The following PIEZO2 variants were observed in gnomAD, a reference collection of about 807,000 sequenced individuals.
PIEZO2 encodes piezo type mechanosensitive ion channel component 2.
Under a neutral mutation model 337.3 loss-of-function variants are expected in PIEZO2, and 172 were observed. The observed-to-expected ratio is 0.51, with a 90% confidence interval of 0.45 to 0.58. The LOEUF is 0.58. PIEZO2 is among the 20% of genes least tolerant of loss of function. The pLI, the probability that PIEZO2 is intolerant of heterozygous loss-of-function variation, is 0.00. For synonymous variants in PIEZO2, 1,251 were observed against 1,228.5 expected, an observed-to-expected ratio of 1.02 and a Z score of -0.38; for missense variants, 3,028 against 3,391.3, an observed-to-expected ratio of 0.89 and a Z score of 2.66.
chr18:10,709,916 G>T (rs2012666), intron 39 of PIEZO2, among the ~76,000 whole-genome samples: 43,960 of 152,138 alleles, frequency 0.29, 6,506 homozygotes, highest in East Asian at 0.4. Context: ...TGTCACCATG[G>T]CCTGGACAAA....
chr18:10,967,495 T>C (rs756311007), intron 3 of PIEZO2, among the ~76,000 whole-genome samples: 5 of 152,222 alleles, frequency 3.3e-5, no homozygotes, highest in Admixed American at 6.5e-5. Flanking sequence ...CCAATGGTAG[T>C]CCTACTTTTA....
intron 8 of PIEZO2, among the ~76,000 whole-genome samples, chr18:10,806,477 G>A (rs1022888338): frequency 5.9e-5 from 9 of 151,996 alleles, no homozygotes; most frequent in African/African-American, 2.2e-4. Context: ...TTTTCATAGG[G>A]AATAAACACC....
In PIEZO2 at chr18:10,795,351, A is replaced by ATT. The variant is rs1555648418; in HGVS notation, c.1528-351_1528-350dup. Among the ~76,000 whole-genome samples the ATT allele has an allele frequency of 0.03, 592 of 20,044 alleles. 6 individuals are homozygous for ATT. Among genetic ancestry groups the ATT allele is most frequent in the African/African-American group, 0.083 (556 of 6,694 alleles). 13.1% of individuals were successfully genotyped at this position (20,044 alleles called of 152,430 possible). A position where few individuals can be genotyped will look rare whatever the true frequency, so the allele number is the denominator to read the frequency against. On this transcript the variant is annotated intron_variant, in intron 12 of 55. Transcript: ENST00000674853. The surrounding 1 kb of genome is among the most constrained non-coding windows in gnomAD (Gnocchi z 4.4). Reference sequence around the variant, plus strand: ...ATTTTATTTTATTTTATTTTATTTTATTATTTTATTTTATTTTATTTTATT... The same window carrying ATT: ...ATTTTATTTTATTTTATTTTATTTTATTTTATTTTATTTTATTTTATTTTATT...
intron 4 of PIEZO2, among the ~76,000 whole-genome samples, chr18:10,876,309 AAC>A (rs1039003203): frequency 6.6e-6 from 1 of 152,248 alleles, no homozygotes; most frequent in African/African-American, 2.4e-5. Flanking sequence ...TCTGTAGTAA[AAC>A]AGTTACATTT....
rs1235789616 is a variant in PIEZO2, at chr18:10,718,217, T to A, written c.5072A>T (p.Lys1691Met). ...TTTGTTACCTGGTCCATCGGATTTCTTTTTGATTGGTTCATCCTCCCGGTC... is the reference window on the plus strand; with the variant it reads ...TTTGTTACCTGGTCCATCGGATTTCATTTTGATTGGTTCATCCTCCCGGTC... ...WEDREDEPIK[K>M]KSDGPDNIIK... The change falls in exon 37 of 56, where the codon AAG becomes ATG. Residue 1691 changes from lysine to methionine, a missense_variant. Lys to Met is a moderately conservative substitution (Grantham distance 95). Coordinates refer to ENST00000674853, the MANE Select transcript of PIEZO2 (RefSeq NM_001378183.1). The A allele has an allele frequency of 1.3e-6, 2 of 1,536,928 alleles. No homozygotes were observed. The highest frequency in any genetic ancestry group is 2.7e-5 in the African/African-American group (2 of 73,054).
intron 2 of PIEZO2, among the ~76,000 whole-genome samples, chr18:11,054,937 C>T (rs2037663261): frequency 6.6e-6 from 1 of 152,078 alleles, no homozygotes; most frequent in South Asian, 2.1e-4. Flanking sequence ...GGCAGCCAGG[C>T]ACGGTGGCTC....
Position 10,724,700 on chromosome 18 carries a change from T to C in PIEZO2, c.5030-6441A>G. 1 of 1,259,126 alleles carries C rather than the reference T, an allele frequency of 7.9e-7. No homozygotes were observed. The highest frequency in any genetic ancestry group is 1.1e-6 in the Non-Finnish European group (1 of 896,958). The allele number at this position is 1,259,126 out of a possible 1,614,324, so 78.0% of individuals were successfully genotyped here. ...AGTCTGCTGTCCCTGCGTCATAGGC[T>C]GAAGCACTCAGACCGAGATGGGCCA... On this transcript the variant is annotated intron_variant, in intron 36 of 55. Coordinates refer to ENST00000674853, the MANE Select transcript of PIEZO2 (RefSeq NM_001378183.1). This position sits in a 1 kb window ranked among gnomAD's most constrained non-coding sequence, Gnocchi z 5.8.
intron 11 of PIEZO2, among the ~76,000 whole-genome samples, chr18:10,799,124 G>A (rs1415953296): frequency 6.6e-6 from 1 of 152,206 alleles, no homozygotes; most frequent in Non-Finnish European, 1.5e-5. Context: ...GAACAGACAT[G>A]AGAATAAACC....
chr18:10,835,827 T>A (rs1012754011), intron 7 of PIEZO2, among the ~76,000 whole-genome samples: 2 of 152,280 alleles, frequency 1.3e-5, no homozygotes, highest in Non-Finnish European at 2.9e-5. Flanking sequence ...GCGTCCAGCC[T>A]GAGTTCTTAC....
chr18:10,710,247 T>C (rs376773242), intron 39 of PIEZO2, among the ~76,000 whole-genome samples: 1 of 152,196 alleles, frequency 6.6e-6, no homozygotes, highest in South Asian at 2.1e-4. Flanking sequence ...TCCCACACAG[T>C]TGGGTTCCCG....
intron 4 of PIEZO2, among the ~76,000 whole-genome samples, chr18:10,905,081 C>T (rs7241188): frequency 0.61 from 93,393 of 152,044 alleles, 28,770 homozygotes; most frequent in East Asian, 0.79. Flanking sequence ...GTCATTTCCC[C>T]GATTATAAAC....
chr18:10,945,521 C>T lies in PIEZO2; in HGVS notation c.286+34014G>A, dbSNP rs553070508. 6.6e-6 allele frequency among the ~76,000 whole-genome samples: 1 copy of T among 152,038 alleles called. No individual in the cohort carries two copies. Among genetic ancestry groups the T allele is most frequent in the Non-Finnish European group, 1.5e-5 (1 of 68,012 alleles). On this transcript the variant is annotated intron_variant, in intron 3 of 55. Coordinates refer to ENST00000674853, the MANE Select transcript of PIEZO2 (RefSeq NM_001378183.1). The surrounding 1 kb of genome is among the most constrained non-coding windows in gnomAD (Gnocchi z 4.0). ...CCTCACAAATGTTTAAACAAAACACCCCCAAGAGATCAAAACATTTCCAAA... is the reference window on the plus strand; with the variant it reads ...CCTCACAAATGTTTAAACAAAACACTCCCAAGAGATCAAAACATTTCCAAA...
chr18:10,840,190 T>C (rs141385504), intron 7 of PIEZO2, among the ~76,000 whole-genome samples: 61 of 152,340 alleles, frequency 4.0e-4, no homozygotes, highest in African/African-American at 1.4e-3. Context: ...AAAGTGAGTT[T>C]AGAGAAAGTC....
intron 48 of PIEZO2, among the ~76,000 whole-genome samples, 176 bp from the exon 49 acceptor site, chr18:10,689,978 G>A (rs1428883106): frequency 3.9e-5 from 6 of 152,316 alleles, no homozygotes; most frequent in African/African-American, 1.2e-4. Context: ...ATTATAAGTC[G>A]AATCTATGGA....
At chr18:10,720,088 C>T (rs1254745055) in intron 36 of PIEZO2, among the ~76,000 whole-genome samples, 2 of 147,626 alleles carry the variant, frequency 1.4e-5, no homozygotes, top group East Asian at 4.3e-4. Flanking sequence ...CTTAAATCTT[C>T]ATATTTTTAA....
chr18:11,014,426 G>T (rs1201518682), intron 2 of PIEZO2, among the ~76,000 whole-genome samples: 6 of 139,834 alleles, frequency 4.3e-5, no homozygotes, highest in African/African-American at 1.6e-4. Context: ...GTGGGACAGC[G>T]ATCCGGAGCC....
intron 2 of PIEZO2, among the ~76,000 whole-genome samples, chr18:10,999,145 A>G (rs550274527): frequency 1.3e-5 from 2 of 152,014 alleles, no homozygotes; most frequent in East Asian, 3.9e-4. Context: ...AGAAATTTTT[A>G]AAGGAGAACT....
chr18:10,898,275 G>C (rs552021333), intron 4 of PIEZO2, among the ~76,000 whole-genome samples: 237 of 152,248 alleles, frequency 1.6e-3, no homozygotes, highest in Non-Finnish European at 1.4e-3. Flanking sequence ...CAAAAAACTA[G>C]CCGGGCGTGG....
chr18:10,824,845 T>C lies in PIEZO2; in HGVS notation c.918-17571A>G, dbSNP rs1171976855. ...AGTCCATATTTTATTGAAATCTTCT[T>C]AGTTTTCACCTAATGTCATTTTCTT... On this transcript the variant is annotated intron_variant, in intron 7 of 55. Coordinates refer to ENST00000674853, the MANE Select transcript of PIEZO2 (RefSeq NM_001378183.1). The surrounding 1 kb of genome is among the most constrained non-coding windows in gnomAD (Gnocchi z 4.4). Among the ~76,000 whole-genome samples the C allele has an allele frequency of 6.6e-6, 1 of 152,198 alleles. No homozygotes were observed. The highest frequency in any genetic ancestry group is 2.4e-5 in the African/African-American group (1 of 41,446).
Sources: gnomAD v4.1 joint callset for allele counts (sites outside exome capture counted in the v4.1 genomes callset) on GRCh38, gnomAD v4.1.1 for gene constraint, Gnocchi (gnomAD v3.1) non-coding constraint, MANE v1.5 for transcripts, NCBI Gene and HGNC (gene_info 2026-07-23, HGNC 2026-07-21) for gene names.